Variants in TXNRD1 observed in about 807,000 individuals in gnomAD.
TXNRD1 encodes the protein thioredoxin reductase 1, also known as thioredoxin reductase 1, cytoplasmic.
Under a neutral mutation model 80.3 loss-of-function variants are expected in TXNRD1, and 57 were observed. The observed-to-expected ratio is 0.71, with a 90% CI of 0.57 to 0.89. The LOEUF (loss-of-function observed/expected upper bound fraction) is 0.89, where lower values mean the gene tolerates loss of function less well. Ranked by LOEUF, TXNRD1 falls within the 40% of genes least tolerant of loss-of-function variation. The pLI, the probability that TXNRD1 is intolerant of heterozygous loss-of-function variation, is 0.00. For missense variants in TXNRD1, 730 were observed against 803.0 expected, an observed-to-expected ratio of 0.91 and a Z score of 1.10; for synonymous variants, 291 against 285.2, an observed-to-expected ratio of 1.02 and a Z score of -0.20.
In TXNRD1 at chr12:104,319,064, G is replaced by A; in HGVS notation, c.873+9G>A. 1 of 1,590,684 alleles carries A rather than the reference G, an allele frequency of 6.3e-7. No homozygotes were observed. Among genetic ancestry groups the A allele is most frequent in the Non-Finnish European group, 8.5e-7 (1 of 1,173,564 alleles). On this transcript the variant is annotated intron_variant, in intron 8 of 16. Coordinates refer to ENST00000525566, the MANE Select transcript of TXNRD1 (RefSeq NM_001093771.3). ...GTCCTCACAGGATTAAGGTAATTGT[G>A]TGACATCCTGACTAGCTTTTTTTTT...
intron 4 of TXNRD1, among the ~76,000 whole-genome samples, chr12:104,295,470 A>G (rs2034405343): frequency 6.6e-6 from 1 of 152,150 alleles, no homozygotes; most frequent in African/African-American, 2.4e-5. Context: ...ATCTGCATCC[A>G]GAACGAAATG....
chr12:104,267,709 C>CTT (rs1459810527), intron 3 of TXNRD1, among the ~76,000 whole-genome samples: 44 of 48,194 alleles, frequency 9.1e-4, no homozygotes, highest in Admixed American at 2.0e-3. Flanking sequence ...TTCTCTCTTT[C>CTT]TTTCTTTCTT....
intron 1 of TXNRD1, among the ~76,000 whole-genome samples, chr12:104,247,184 C>G (rs1317406365): frequency 1.3e-5 from 2 of 152,172 alleles, no homozygotes; most frequent in Non-Finnish European, 2.9e-5. Flanking sequence ...TCTCCCTCCT[C>G]AGCCTCCCAA....
intron 1 of TXNRD1, among the ~76,000 whole-genome samples, chr12:104,248,836 C>CT (rs2033050974): frequency 6.6e-6 from 1 of 150,500 alleles, no homozygotes; most frequent in African/African-American, 2.4e-5. Context: ...CTTTTTTTTT[C>CT]TTTTTTTGAG....
chr12:104,272,276 C>T (rs866899888), intron 3 of TXNRD1, among the ~76,000 whole-genome samples: 1 of 152,204 alleles, frequency 6.6e-6, no homozygotes, highest in Middle Eastern at 3.4e-3. Flanking sequence ...CCCCTATTGG[C>T]TAAGGTTAGA....
intron 15 of TXNRD1, among the ~76,000 whole-genome samples, chr12:104,335,420 G>A (rs2036104285): frequency 1.3e-5 from 2 of 152,004 alleles, no homozygotes; most frequent in African/African-American, 4.8e-5. Flanking sequence ...GGCTGGTCTC[G>A]AACTCCTGAC....
At chr12:104,260,323 C>T (rs1201154226) in intron 3 of TXNRD1, among the ~76,000 whole-genome samples, 5 of 152,162 alleles carry the variant, frequency 3.3e-5, no homozygotes, top group Admixed American at 6.6e-5. Flanking sequence ...CAAAATTAGC[C>T]GGGCATGGTG....
rs781028362 is a variant in TXNRD1 at position 104,258,899 on chromosome 12, T to C, written c.304+820T>C. 9.9e-4 allele frequency among the ~76,000 whole-genome samples: 150 copies of C among 152,142 alleles called. 2 individuals carry two copies. Among genetic ancestry groups the C allele is most frequent in the Non-Finnish European group, 6.2e-4 (42 of 67,990 alleles). ...GAGCTATGATTGCACCATTGCACTCTAGCCTGGATTACTGAGTGAGACCTT... is the reference window on the plus strand; with the variant it reads ...GAGCTATGATTGCACCATTGCACTCCAGCCTGGATTACTGAGTGAGACCTT... On this transcript the variant is annotated intron_variant, in intron 3 of 16. Coordinates refer to ENST00000525566, the MANE Select transcript of TXNRD1 (RefSeq NM_001093771.3).
chr12:104,268,409 C>T (rs550291139), intron 3 of TXNRD1, among the ~76,000 whole-genome samples: 36 of 151,564 alleles, frequency 2.4e-4, no homozygotes, highest in African/African-American at 8.4e-4. Flanking sequence ...CCTGTAGTCC[C>T]AGCTACTCCG....
chr12:104,295,198 G>A (rs1474948823), intron 4 of TXNRD1, among the ~76,000 whole-genome samples: 7 of 152,128 alleles, frequency 4.6e-5, no homozygotes, highest in African/African-American at 1.7e-4. Flanking sequence ...CTTCTACCAG[G>A]TGTAAACACA....
intron 3 of TXNRD1, chr12:104,265,283 G>A: frequency 6.4e-7 from 1 of 1,565,850 alleles, no homozygotes; most frequent in South Asian, 1.2e-5. Context: ...CCTTTTGCGG[G>A]TGGCGGCGAA....
chr12:104,231,233 T>C (rs1038956531), intron 1 of TXNRD1, among the ~76,000 whole-genome samples: 1 of 152,110 alleles, frequency 6.6e-6, no homozygotes, highest in Admixed American at 6.5e-5. Flanking sequence ...CCCTAACTGC[T>C]GTTAGGGGGT....
chr12:104,311,446 C>G (rs1565894899), intron 5 of TXNRD1, 34 bp downstream of exon 5: 1 of 1,605,572 alleles, frequency 6.2e-7, no homozygotes, highest in Non-Finnish European at 8.5e-7. Context: ...TGTCTGTTGT[C>G]TGGGTGGTGA....
At chr12:104,216,014 C>A in intron 1 of TXNRD1, 121 bp downstream of exon 1, 1 of 809,660 alleles carries the variant, frequency 1.2e-6, no homozygotes, top group Non-Finnish European at 1.9e-6. Flanking sequence ...GAGTCAGTGA[C>A]TGACCGCGCG....
rs751970447 is a variant in TXNRD1 at position 104,304,595 on chromosome 12, G to A, written c.415-6695G>A. Reference sequence around the variant, plus strand: ...TTATCCAGAAGCGACAGAAAAAAACGTAGAAAGGATTTTGGGATTGTTGCA... The same window carrying A: ...TTATCCAGAAGCGACAGAAAAAAACATAGAAAGGATTTTGGGATTGTTGCA... On this transcript the variant is annotated intron_variant, in intron 4 of 16. Coordinates refer to ENST00000525566, the MANE Select transcript of TXNRD1 (RefSeq NM_001093771.3). 1.7e-5 allele frequency: 28 copies of A among 1,613,832 alleles called. No individual in the cohort carries two copies. Among genetic ancestry groups the A allele is most frequent in the South Asian group, 6.6e-5 (6 of 91,094 alleles).
At chr12:104,226,106 AG>A (rs2032467236) in intron 1 of TXNRD1, among the ~76,000 whole-genome samples, 2 of 152,266 alleles carry the variant, frequency 1.3e-5, no homozygotes, top group South Asian at 4.1e-4. Context: ...AGGCTGAGGC[AG>A]GGGAATCATT....
intron 3 of TXNRD1, chr12:104,265,267 A>AAC (rs1482074863): frequency 3.1e-5 from 48 of 1,527,044 alleles, no homozygotes; most frequent in Non-Finnish European, 3.7e-5. Context: ...AAAAAAAAAA[A>AAC]AACTTCCTTT....
chr12:104,313,195 AATC>A (rs1481625098), intron 5 of TXNRD1, 47 bp from the exon 6 acceptor site: 1 of 1,451,186 alleles, frequency 6.9e-7, no homozygotes, highest in Non-Finnish European at 9.4e-7. Context: ...GCCCATTTCC[AATC>A]TGTCATGTTA....
At chr12:104,306,876 A>T (rs1282579193) in intron 4 of TXNRD1, among the ~76,000 whole-genome samples, 1 of 152,196 alleles carries the variant, frequency 6.6e-6, no homozygotes, top group Non-Finnish European at 1.5e-5. Context: ...AGTACTCTTA[A>T]TGACAGCAAA....
Sources: allele counts gnomAD v4.1 joint callset (sites outside exome capture counted in the v4.1 genomes callset), GRCh38; gene constraint gnomAD v4.1.1; transcripts MANE v1.5; gene names NCBI Gene and HGNC (gene_info 2026-07-23, HGNC 2026-07-21).